CTNNA2: variants seen among roughly 807,000 people sequenced by gnomAD.
CTNNA2 encodes catenin alpha-2.
Under a neutral mutation model 101.0 loss-of-function variants are expected in CTNNA2, and 42 were observed. The observed-to-expected ratio is 0.42, with a 90% CI of 0.32 to 0.54. CTNNA2 has a LOEUF of 0.54. Ranked by LOEUF, CTNNA2 falls within the 20% of genes least tolerant of loss-of-function variation. The pLI, the probability that CTNNA2 is intolerant of heterozygous loss-of-function variation, is 0.14. For synonymous variants in CTNNA2, 450 were observed against 456.4 expected (o/e 0.99, Z 0.18); for missense variants, 871 against 1,223.1 (o/e 0.71, Z 4.29).
intron 7 of CTNNA2, among the ~76,000 whole-genome samples, chr2:80,016,336 C>T (rs1334877065): frequency 6.6e-6 from 1 of 152,086 alleles, no homozygotes; most frequent in Admixed American, 6.5e-5. Flanking sequence ...GTGCTGAGCG[C>T]TGGGTCAATA....
chr2:79,608,012 G>C (rs1039386965), intron 1 of CTNNA2, among the ~76,000 whole-genome samples: 1 of 151,768 alleles, frequency 6.6e-6, no homozygotes, highest in Non-Finnish European at 1.5e-5. Context: ...AATTTAGTAA[G>C]TCTCTAGCCA....
At chr2:80,131,724 A>T (rs1182043819) in intron 7 of CTNNA2, among the ~76,000 whole-genome samples, 1 of 152,116 alleles carries the variant, frequency 6.6e-6, no homozygotes, top group East Asian at 1.9e-4. Context: ...TTGTACATAC[A>T]TTCTCTCACA....
chr2:79,456,197 T>C (rs978843357), intron 4 of CTNNA2, among the ~76,000 whole-genome samples: 9 of 151,296 alleles, frequency 5.9e-5, no homozygotes, highest in South Asian at 2.1e-4. Flanking sequence ...TAAAATTACG[T>C]CTTTACATTA....
chr2:79,898,529 A>G (rs892620809), intron 6 of CTNNA2, among the ~76,000 whole-genome samples: 1 of 152,108 alleles, frequency 6.6e-6, no homozygotes, highest in Non-Finnish European at 1.5e-5. Flanking sequence ...AAGACTTCTC[A>G]AGTCTTCCAC....
intron 2 of CTNNA2, among the ~76,000 whole-genome samples, chr2:79,665,221 A>G (rs1278936564): frequency 6.6e-6 from 1 of 151,980 alleles, no homozygotes; most frequent in Admixed American, 6.6e-5. Context: ...CTTATGTTAG[A>G]TGCTGCCTTC....
At chr2:79,463,419 G>T (rs1031969340) in intron 4 of CTNNA2, among the ~76,000 whole-genome samples, 2 of 148,460 alleles carry the variant, frequency 1.3e-5, no homozygotes, top group Non-Finnish European at 3.0e-5. Flanking sequence ...AAAAAAGAAA[G>T]TCCTGCTCCT....
At position 80,566,873 on chromosome 2, in the gene CTNNA2, T is replaced by A. The variant is rs377472608; in HGVS notation, c.1742-7290T>A. Among the ~76,000 whole-genome samples the A allele has an allele frequency of 1.2e-4, 18 of 152,310 alleles. No individual in the cohort carries two copies. In the East Asian group the frequency reaches 3.1e-3, roughly 26 times the overall value. On this transcript the variant is annotated intron_variant, in intron 12 of 18. Coordinates refer to ENST00000402739, the MANE Select transcript of CTNNA2 (RefSeq NM_001282597.3). The stretch of plus-strand genomic sequence containing the variant: ...TTCTATTTGACTTAGGTTTAGAGAT[T>A]CGAACATTAATTGAAGAAGCTCTTT...
At chr2:80,135,673 C>T (rs1188042128) in intron 7 of CTNNA2, among the ~76,000 whole-genome samples, 1 of 152,130 alleles carries the variant, frequency 6.6e-6, no homozygotes, top group Non-Finnish European at 1.5e-5. Context: ...TATGATGTGT[C>T]ATTCACAGAG....
chr2:80,117,455 A>AGTGTGTGC (rs1701589778), intron 7 of CTNNA2, among the ~76,000 whole-genome samples: 2 of 145,882 alleles, frequency 1.4e-5, no homozygotes, highest in African/African-American at 5.1e-5. Flanking sequence ...TTCCTGTGTG[A>AGTGTGTGC]GTGTGTGTGT....
At chr2:80,598,607 A>G (rs1697194959) in intron 15 of CTNNA2, among the ~76,000 whole-genome samples, 1 of 152,194 alleles carries the variant, frequency 6.6e-6, no homozygotes, top group Non-Finnish European at 1.5e-5. Context: ...TTTATTTGTA[A>G]TAGTCCCACA....
intron 9 of CTNNA2, among the ~76,000 whole-genome samples, chr2:80,459,455 A>G (rs1340284498): frequency 1.3e-5 from 2 of 152,298 alleles, no homozygotes; most frequent in South Asian, 2.1e-4. Flanking sequence ...CACCATGTAC[A>G]TTTTTGAATT....
intron 4 of CTNNA2, among the ~76,000 whole-genome samples, chr2:79,436,746 C>T (rs937882145): frequency 8.5e-5 from 13 of 152,056 alleles, no homozygotes; most frequent in African/African-American, 3.1e-4. Flanking sequence ...ATTATCCTGC[C>T]TCAGCCTCCC....
At chr2:80,636,157 T>C (rs1432663764) in intron 18 of CTNNA2, among the ~76,000 whole-genome samples, 2 of 151,994 alleles carry the variant, frequency 1.3e-5, no homozygotes, top group Admixed American at 6.6e-5. Flanking sequence ...GGCAGCAAGA[T>C]TGTTGTACTT....
intron 3 of CTNNA2, among the ~76,000 whole-genome samples, chr2:79,335,260 G>A (rs1042378525): frequency 7.2e-5 from 11 of 152,026 alleles, no homozygotes; most frequent in Non-Finnish European, 1.3e-4. Flanking sequence ...ATATGCATAA[G>A]TTCATGAATA....
intron 4 of CTNNA2, among the ~76,000 whole-genome samples, chr2:79,431,032 AC>A (rs1294925811): frequency 6.6e-6 from 1 of 152,150 alleles, no homozygotes; most frequent in Non-Finnish European, 1.5e-5. Flanking sequence ...TGAGGTTGTT[AC>A]CAGCACTAAT....
intron 7 of CTNNA2, among the ~76,000 whole-genome samples, chr2:80,381,282 A>C (rs1676492365): frequency 6.6e-6 from 1 of 151,922 alleles, no homozygotes; most frequent in Non-Finnish European, 1.5e-5. Flanking sequence ...AGACAGCATA[A>C]GTGGGCTAAC....
chr2:80,405,851 C>A (rs1456778587), intron 8 of CTNNA2, among the ~76,000 whole-genome samples: 1 of 152,150 alleles, frequency 6.6e-6, no homozygotes, highest in Admixed American at 6.5e-5. Flanking sequence ...CCATAAATGT[C>A]AGAAGTTTGG....
chr2:80,187,167 T>A lies in CTNNA2; in HGVS notation c.1057-206044T>A, dbSNP rs369149722. The stretch of plus-strand genomic sequence containing the variant: ...TATATATCTCATATGGTCCAATGCA[T>A]TAGAAAAAGAGAGAAACTTATAATA... On this transcript the variant is annotated intron_variant, in intron 7 of 18. Coordinates refer to ENST00000402739, the MANE Select transcript of CTNNA2 (RefSeq NM_001282597.3). Among the ~76,000 whole-genome samples, 6 of 152,156 alleles carry A rather than the reference T, an allele frequency of 3.9e-5. No individual in the cohort carries two copies. The East Asian group carries it at 9.6e-4, about 24-fold the overall frequency.
intron 7 of CTNNA2, among the ~76,000 whole-genome samples, chr2:80,312,577 T>TA (rs1361716825): frequency 6.6e-6 from 1 of 152,204 alleles, no homozygotes; most frequent in Non-Finnish European, 1.5e-5. Flanking sequence ...AGTTAAACTT[T>TA]AAAATGGAGA....
Sources: gnomAD v4.1 joint callset for allele counts (sites outside exome capture counted in the v4.1 genomes callset) on GRCh38, gnomAD v4.1.1 for gene constraint, MANE v1.5 for transcripts, NCBI Gene and HGNC (gene_info 2026-07-23, HGNC 2026-07-21) for gene names.